Variants in ACTR10 observed in about 807,000 individuals in gnomAD.
ACTR10 encodes the protein actin related protein 10, also known as actin-related protein 10.
A neutral mutation model predicts 56.2 loss-of-function variants in ACTR10; 43 were observed. The ratio of observed to expected loss-of-function variants is 0.77; its 90% CI spans 0.60 to 0.99. The LOEUF is 0.99. Among genes scored for constraint, ACTR10 ranks in the 50% least tolerant of loss-of-function variants. The probability of loss-of-function intolerance (pLI) is 0.00; values close to 1 mark genes in which losing one functional copy is unlikely to be tolerated. For missense variants in ACTR10, 466 were observed against 507.8 expected (o/e 0.92, Z 0.79); for synonymous variants, 170 against 176.3 (o/e 0.96, Z 0.28).
At position 58,215,264 on chromosome 14, in the gene ACTR10, A is replaced by G. The variant is rs1889106591; in HGVS notation, c.578A>G (p.Gln193Arg). Residue 193 changes from glutamine (Q) to arginine (R), a missense_variant, in exon 7 of 13, where the codon CAG becomes CGG. Transcript: ENST00000254286. ...CTVDTSVAKE[Q>R]SLPSVMGSVP... ...GTTGACACAAGTGTTGCTAAAGAAC[A>G]GAGCCTTCCCTCAGTGATGGGTAAA... 3.7e-6 allele frequency: 6 copies of G among 1,611,110 alleles called. No individual in the cohort carries two copies. The highest frequency in any genetic ancestry group is 5.1e-6 in the Non-Finnish European group (6 of 1,178,044).
chr14:58,202,413 C>T (rs1888738246), intron 1 of ACTR10, among the ~76,000 whole-genome samples: 1 of 147,356 alleles, frequency 6.8e-6, no homozygotes, highest in South Asian at 2.1e-4. Flanking sequence ...AACCTCGTCT[C>T]TACTAAAAAA....
chr14:58,205,985 G>C (rs1283966435), intron 2 of ACTR10, among the ~76,000 whole-genome samples: 1 of 152,000 alleles, frequency 6.6e-6, no homozygotes, highest in Non-Finnish European at 1.5e-5. Flanking sequence ...TCATGCCACT[G>C]TGCTGCAGCC....
intron 4 of ACTR10, 137 bp downstream of exon 4, chr14:58,209,244 C>T (rs888638384): frequency 1.4e-4 from 81 of 565,748 alleles, no homozygotes; most frequent in Non-Finnish European, 2.0e-4. Context: ...TAATAAAAGC[C>T]CTTATTTTGT....
intron 2 of ACTR10, among the ~76,000 whole-genome samples, chr14:58,205,371 G>A (rs1888832715): frequency 7.0e-6 from 1 of 142,710 alleles, no homozygotes; most frequent in Admixed American, 7.4e-5. Flanking sequence ...CTGGAGTGCA[G>A]TAGCATGATC....
chr14:58,217,149 G>A (rs539309583), intron 7 of ACTR10, among the ~76,000 whole-genome samples: 22 of 152,270 alleles, frequency 1.4e-4, no homozygotes, highest in Non-Finnish European at 2.8e-4. Flanking sequence ...TAAATTCAGT[G>A]TAGCATCCCA....
intron 4 of ACTR10, 120 bp downstream of exon 4, chr14:58,209,227 C>T (rs1326656158): frequency 1.6e-6 from 1 of 639,202 alleles, no homozygotes; most frequent in East Asian, 3.0e-5. Flanking sequence ...GTACTCAAAA[C>T]TTAAACTAAT....
intron 2 of ACTR10, among the ~76,000 whole-genome samples, chr14:58,203,816 A>T (rs1024005142): frequency 3.9e-5 from 6 of 152,246 alleles, no homozygotes; most frequent in Admixed American, 3.3e-4. Context: ...TTTGCATGTT[A>T]TAAAATTCAC....
At chr14:58,211,271 A>G (rs747520692) in intron 4 of ACTR10, 21 bp from the exon 5 acceptor site, 108 of 1,556,272 alleles carry the variant, frequency 6.9e-5, no homozygotes, top group Non-Finnish European at 8.7e-5. Context: ...GTTTTGTTGT[A>G]TTGATTTTGT....
intron 4 of ACTR10, chr14:58,211,031 A>C (rs1394650674): frequency 3.2e-6 from 1 of 311,136 alleles, no homozygotes; most frequent in African/African-American, 2.2e-5. Flanking sequence ...AACAAGAATA[A>C]AGAAAAATGC....
chr14:58,214,705 G>A (rs1889090424), intron 6 of ACTR10, among the ~76,000 whole-genome samples: 1 of 151,318 alleles, frequency 6.6e-6, no homozygotes, highest in African/African-American at 2.4e-5. Context: ...TGGCCAGGCT[G>A]TTCTCAAACT....
chr14:58,208,644 A>G (rs895921086), intron 3 of ACTR10, among the ~76,000 whole-genome samples: 5 of 151,784 alleles, frequency 3.3e-5, no homozygotes, highest in Non-Finnish European at 7.4e-5. Flanking sequence ...GCTTGAACCC[A>G]GGAGGCTGAG....
At chr14:58,221,590 A>C (rs1486289087) in intron 8 of ACTR10, among the ~76,000 whole-genome samples, 1 of 151,942 alleles carries the variant, frequency 6.6e-6, no homozygotes, top group Admixed American at 6.6e-5. Flanking sequence ...ACAGAGCAAA[A>C]CTGTCTCAAA....
At chr14:58,213,423 A>C in intron 5 of ACTR10, 2 of 425,340 alleles carry the variant, frequency 4.7e-6, no homozygotes, top group South Asian at 4.2e-5. Context: ...GTGTGTGGTC[A>C]TGTGCTTATG....
At chr14:58,225,359 T>C (rs1189642061) in intron 10 of ACTR10, among the ~76,000 whole-genome samples, 5 of 152,168 alleles carry the variant, frequency 3.3e-5, no homozygotes, top group Non-Finnish European at 7.3e-5. Context: ...AATGCAACTT[T>C]ATAAAATTTA....
intron 5 of ACTR10, 39 bp downstream of exon 5, chr14:58,211,438 C>A (rs1391019091): frequency 1.4e-6 from 2 of 1,425,766 alleles, no homozygotes; most frequent in Non-Finnish European, 2.0e-6. Context: ...GCAGTTTTTA[C>A]TCTACTTTAA....
chr14:58,211,542 C>T, intron 5 of ACTR10, 143 bp downstream of exon 5: 1 of 591,410 alleles, frequency 1.7e-6, no homozygotes. Flanking sequence ...GGAAAAAGTT[C>T]ACAGGATTAT....
intron 11 of ACTR10, among the ~76,000 whole-genome samples, chr14:58,231,512 C>T (rs1054181902): frequency 4.6e-5 from 7 of 152,140 alleles, no homozygotes; most frequent in Non-Finnish European, 8.8e-5. Context: ...TATAGGACTT[C>T]GCATGAAATA....
At chr14:58,202,417 T>TAA (rs1171913562) in intron 1 of ACTR10, among the ~76,000 whole-genome samples, 21 of 132,688 alleles carry the variant, frequency 1.6e-4, no homozygotes, top group African/African-American at 1.9e-4. Flanking sequence ...TCGTCTCTAC[T>TAA]AAAAAAAAAA....
chr14:58,216,047 C>T (rs868847767), intron 7 of ACTR10, among the ~76,000 whole-genome samples: 10 of 151,036 alleles, frequency 6.6e-5, no homozygotes, highest in Admixed American at 1.3e-4. Context: ...TCTAGGCCCT[C>T]ATTTCTTAGA....
Sources: gnomAD v4.1 joint callset for allele counts (sites outside exome capture counted in the v4.1 genomes callset) on GRCh38, gnomAD v4.1.1 for gene constraint, MANE v1.5 for transcripts, NCBI Gene and HGNC (gene_info 2026-07-23, HGNC 2026-07-21) for gene names.